The following DCP1A variants were observed in gnomAD, a reference collection of about 807,000 sequenced individuals.
DCP1A encodes decapping mRNA 1A.
Under a neutral mutation model 58.0 loss-of-function variants are expected in DCP1A, and 20 were observed. The ratio of observed to expected loss-of-function variants is 0.34; its 90% CI spans 0.24 to 0.50. DCP1A has a LOEUF of 0.50. DCP1A is among the 20% of genes least tolerant of loss of function. The probability of loss-of-function intolerance (pLI) is 0.98; values close to 1 mark genes in which losing one functional copy is unlikely to be tolerated. For missense variants in DCP1A, 613 were observed against 712.2 expected (o/e 0.86, Z 1.59); for synonymous variants, 285 against 275.1 (o/e 1.04, Z -0.36).
intron 3 of DCP1A, among the ~76,000 whole-genome samples, chr3:53,330,113 A>G (rs114216740): frequency 0.015 from 2,312 of 152,320 alleles, 23 homozygotes; most frequent in Non-Finnish European, 0.024. Context: ...CAGTCATTCA[A>G]ATTTACAAGC....
intron 6 of DCP1A, among the ~76,000 whole-genome samples, chr3:53,296,138 G>C (rs1440438027): frequency 6.6e-6 from 1 of 152,038 alleles, no homozygotes; most frequent in East Asian, 1.9e-4. Flanking sequence ...CAGGTGATCT[G>C]CGTGCCGCGG....
chr3:53,292,093 G>A lies in DCP1A; in HGVS notation c.1359C>T (p.Ser453=). 1 of 1,612,536 alleles carries A rather than the reference G, an allele frequency of 6.2e-7. No homozygotes were observed. Among genetic ancestry groups the A allele is most frequent in the Non-Finnish European group, 8.5e-7 (1 of 1,179,464 alleles). Residue 453 remains serine (S), a synonymous_variant, in exon 7 of 10, where the codon AGC becomes AGT. Coordinates refer to ENST00000610213, the MANE Select transcript of DCP1A (RefSeq NM_018403.7). ...CCTGAAGGGGAGCAAGCACCATGTT[G>A]CTCAGGGAGGCTGAGGCCGCCACTC... ...AARVAASASL[S]NMVLAPLQSM...
chr3:53,311,890 A>T (rs1293170200), intron 5 of DCP1A, among the ~76,000 whole-genome samples: 2 of 152,126 alleles, frequency 1.3e-5, no homozygotes, highest in African/African-American at 4.8e-5. Context: ...AAAAACAAGT[A>T]ATCTGGGGTA....
chr3:53,326,979 C>A lies in DCP1A; in HGVS notation c.305-7506G>T, dbSNP rs898531779. Reference sequence around the variant, plus strand: ...TGCCAAATGTTGGACATGTCCAACCCCCCCCCCCCAACTGGTATTCTAGTC... The same window carrying A: ...TGCCAAATGTTGGACATGTCCAACCACCCCCCCCCAACTGGTATTCTAGTC... On this transcript the variant is annotated intron_variant, in intron 3 of 9. Coordinates refer to ENST00000610213, the MANE Select transcript of DCP1A (RefSeq NM_018403.7). Among the ~76,000 whole-genome samples, 5 of 143,400 alleles carry A rather than the reference C, an allele frequency of 3.5e-5. 1 individual carries two copies. Among genetic ancestry groups the A allele is most frequent in the South Asian group, 2.9e-4 (1 of 3,488 alleles). The allele number at this position is 143,400 out of a possible 152,430, so 94.1% of individuals were successfully genotyped here. A position where few individuals can be genotyped will look rare whatever the true frequency, so the allele number is the denominator to read the frequency against.
intron 3 of DCP1A, among the ~76,000 whole-genome samples, chr3:53,337,029 C>A (rs954323274): frequency 1.3e-5 from 2 of 151,926 alleles, no homozygotes; most frequent in Admixed American, 1.3e-4. Flanking sequence ...ACCACCATGT[C>A]CGGCTAATTT....
intron 3 of DCP1A, among the ~76,000 whole-genome samples, chr3:53,321,764 T>G (rs1707974506): frequency 6.6e-6 from 1 of 152,100 alleles, no homozygotes; most frequent in Non-Finnish European, 1.5e-5. Context: ...GTCTTCTCAC[T>G]CCTAGACCAG....
intron 7 of DCP1A, among the ~76,000 whole-genome samples, chr3:53,291,645 G>A (rs1440248844): frequency 1.3e-5 from 2 of 152,114 alleles, no homozygotes; most frequent in African/African-American, 4.8e-5. Context: ...ATAAGGTGAT[G>A]TAAATATGGG....
chr3:53,285,733 C>G lies in DCP1A; in HGVS notation c.*1847G>C, dbSNP rs370008372. 1.6e-4 allele frequency: 25 copies of G among 152,034 alleles called. No homozygotes were observed. Among genetic ancestry groups the G allele is most frequent in the African/African-American group, 5.6e-4 (23 of 41,440 alleles). The allele number at this position is 152,034 out of a possible 1,614,324, so 9.4% of individuals were successfully genotyped here. On this transcript the variant is annotated 3_prime_UTR_variant, in exon 10 of 10. Coordinates refer to ENST00000610213, the MANE Select transcript of DCP1A (RefSeq NM_018403.7). ...GTCTGTTCACCGAAGCCCACTGAGA[C>G]TACACTTGAGGTGCAATCACACCTA...
Position 53,283,496 on chromosome 3 carries a change from T to G in DCP1A, c.*4084A>C, listed in dbSNP as rs907750684. The stretch of plus-strand genomic sequence containing the variant: ...ATTTGCAAACATATAAAATTTAAGA[T>G]GAAAAACGCTCATTTTAAAACATGT... On this transcript the variant is annotated 3_prime_UTR_variant, in exon 10 of 10. Coordinates refer to ENST00000610213, the MANE Select transcript of DCP1A (RefSeq NM_018403.7). 2.6e-5 allele frequency: 4 copies of G among 152,214 alleles called. No homozygotes were observed. The highest frequency in any genetic ancestry group is 9.6e-5 in the African/African-American group (4 of 41,454). 9.4% of individuals were successfully genotyped at this position (152,214 alleles called of 1,614,324 possible).
intron 5 of DCP1A, 86 bp from the exon 6 acceptor site, chr3:53,304,376 A>C: frequency 1.1e-6 from 1 of 899,530 alleles, no homozygotes; most frequent in Non-Finnish European, 1.7e-6. Flanking sequence ...AGGTTATCAA[A>C]AATGTTATTT....
intron 3 of DCP1A, among the ~76,000 whole-genome samples, chr3:53,336,126 G>A (rs2089110687): frequency 6.6e-6 from 1 of 151,394 alleles, no homozygotes; most frequent in Non-Finnish European, 1.5e-5. Flanking sequence ...TTTTTGAGAT[G>A]GAGTTTAGCT....
intron 3 of DCP1A, among the ~76,000 whole-genome samples, chr3:53,341,921 C>T (rs1553692580): frequency 6.6e-6 from 1 of 152,122 alleles, no homozygotes; most frequent in Non-Finnish European, 1.5e-5. Flanking sequence ...AAGTGATCTG[C>T]CCTCCTCGGC....
chr3:53,314,678 T>TC (rs1283410594), intron 4 of DCP1A, among the ~76,000 whole-genome samples: 5 of 143,710 alleles, frequency 3.5e-5, no homozygotes, highest in Admixed American at 3.5e-4. Context: ...TTTTTTTTTT[T>TC]TTTTTTTTTT....
chr3:53,299,338 C>T (rs1182077225), intron 6 of DCP1A, among the ~76,000 whole-genome samples: 10 of 152,188 alleles, frequency 6.6e-5, no homozygotes, highest in Non-Finnish European at 1.3e-4. Context: ...CATGCTTGAA[C>T]ATGCTTCAAG....
At chr3:53,295,073 G>A (rs1440494581) in intron 6 of DCP1A, among the ~76,000 whole-genome samples, 3 of 152,202 alleles carry the variant, frequency 2.0e-5, no homozygotes, top group African/African-American at 7.2e-5. Flanking sequence ...TGTGTCAGGA[G>A]GGGCTCCTGT....
intron 3 of DCP1A, among the ~76,000 whole-genome samples, chr3:53,334,087 C>T (rs782207296): frequency 1.6e-4 from 25 of 152,074 alleles, no homozygotes; most frequent in Non-Finnish European, 3.5e-4. Flanking sequence ...TATAGAGAGA[C>T]CTTGTCTCTA....
At chr3:53,326,033 C>T (rs1708095000) in intron 3 of DCP1A, among the ~76,000 whole-genome samples, 2 of 152,106 alleles carry the variant, frequency 1.3e-5, no homozygotes, top group South Asian at 4.1e-4. Flanking sequence ...ATTGTAATAT[C>T]TACTTATTGA....
At chr3:53,329,065 G>A (rs1708186801) in intron 3 of DCP1A, 2 of 308,436 alleles carry the variant, frequency 6.5e-6, no homozygotes, top group East Asian at 1.0e-4. Flanking sequence ...CTCTTTCAGT[G>A]TGGAGGGAGA....
chr3:53,342,798 T>C (rs528863534), intron 2 of DCP1A, among the ~76,000 whole-genome samples: 1 of 152,318 alleles, frequency 6.6e-6, no homozygotes, highest in Non-Finnish European at 1.5e-5. Flanking sequence ...TTAGTATTTA[T>C]TGTCCTCCCC....
Sources: allele counts gnomAD v4.1 joint callset (sites outside exome capture counted in the v4.1 genomes callset), GRCh38; gene constraint gnomAD v4.1.1; transcripts MANE v1.5; gene names NCBI Gene and HGNC (gene_info 2026-07-23, HGNC 2026-07-21).